The following GNA12 variants were observed in gnomAD, a reference collection of about 807,000 sequenced individuals.
GNA12 encodes G protein subunit alpha 12, also known as guanine nucleotide-binding protein subunit alpha-12.
Under a neutral mutation model 26.0 loss-of-function variants are expected in GNA12, and 9 were observed. That is an observed-to-expected ratio of 0.35 (90% CI 0.21 to 0.60). The LOEUF (loss-of-function observed/expected upper bound fraction) is 0.60. Among genes scored for constraint, GNA12 ranks in the 20% least tolerant of loss-of-function variants. GNA12 has a pLI of 0.78. For synonymous variants in GNA12, 264 were observed against 219.6 expected, an observed-to-expected ratio of 1.20 and a Z score of -1.79; for missense variants, 405 against 525.8, an observed-to-expected ratio of 0.77 and a Z score of 2.25.
intron 1 of GNA12, among the ~76,000 whole-genome samples, chr7:2,801,002 G>A (rs536240615): frequency 1.1e-4 from 16 of 152,120 alleles, no homozygotes; most frequent in African/African-American, 3.6e-4. Context: ...ATCTCGGCAC[G>A]GAGAAGGTAG....
chr7:2,799,681 T>A lies in GNA12; in HGVS notation c.310-4538A>T, dbSNP rs540222160. Among the ~76,000 whole-genome samples, 528 of 151,404 alleles carry A rather than the reference T, an allele frequency of 3.5e-3. 1 individual carries two copies. The highest frequency in any genetic ancestry group is 0.011 in the African/African-American group (444 of 41,236). On this transcript the variant is annotated intron_variant, in intron 1 of 3. Coordinates refer to ENST00000275364, the MANE Select transcript of GNA12 (RefSeq NM_007353.3). ...GAATGAAATGAAGAGAAAAAAAAAA[T>A]TTTTTAAAGAAAATGGGCAAGACAT...
chr7:2,735,041 C>T (rs554269269), intron 2 of GNA12, among the ~76,000 whole-genome samples: 142 of 152,316 alleles, frequency 9.3e-4, no homozygotes, highest in African/African-American at 3.3e-3. Flanking sequence ...CAAGTCCCCC[C>T]GGTCCTCTGC....
intron 1 of GNA12, among the ~76,000 whole-genome samples, chr7:2,836,352 G>A (rs978275855): frequency 2.0e-5 from 3 of 152,162 alleles, no homozygotes; most frequent in African/African-American, 7.2e-5. Context: ...AGAAAGTTCT[G>A]AATGTAACAC....
At chr7:2,827,923 AT>A (rs3837080) in intron 1 of GNA12, among the ~76,000 whole-genome samples, 1 of 151,902 alleles carries the variant, frequency 6.6e-6, no homozygotes, top group Non-Finnish European at 1.5e-5. Flanking sequence ...TTTATTTAAA[AT>A]TTTTTTTAAT....
intron 1 of GNA12, among the ~76,000 whole-genome samples, chr7:2,817,085 T>A (rs1481819556): frequency 6.6e-6 from 1 of 152,220 alleles, no homozygotes; most frequent in Non-Finnish European, 1.5e-5. Flanking sequence ...TCCAATGGCT[T>A]CCCATCATAC....
chr7:2,755,340 T>G (rs1209067858), intron 2 of GNA12, among the ~76,000 whole-genome samples: 1 of 152,364 alleles, frequency 6.6e-6, no homozygotes, highest in Non-Finnish European at 1.5e-5. Context: ...TGTGTATCAA[T>G]CAGGGGAGAA....
At chr7:2,743,038 C>T (rs951759369) in intron 2 of GNA12, among the ~76,000 whole-genome samples, 4 of 152,116 alleles carry the variant, frequency 2.6e-5, no homozygotes, top group African/African-American at 9.7e-5. Context: ...TCTTTTTGGC[C>T]AGGAGAACAA....
intron 1 of GNA12, among the ~76,000 whole-genome samples, chr7:2,808,661 C>G (rs1793008461): frequency 6.6e-6 from 1 of 152,216 alleles, no homozygotes; most frequent in East Asian, 1.9e-4. Flanking sequence ...TACAATTTCC[C>G]TACTTCCTGC....
intron 2 of GNA12, among the ~76,000 whole-genome samples, chr7:2,765,888 C>A (rs1045387205): frequency 1.3e-5 from 2 of 149,954 alleles, no homozygotes; most frequent in African/African-American, 4.9e-5. Context: ...CCCCTCCCCT[C>A]CCCCCAAGTT....
At chr7:2,760,751 C>T (rs1161588517) in intron 2 of GNA12, among the ~76,000 whole-genome samples, 2 of 152,246 alleles carry the variant, frequency 1.3e-5, no homozygotes, top group African/African-American at 2.4e-5. Context: ...CATTTCTAAT[C>T]TTTCCTCTAG....
At chr7:2,838,280 T>TAAAA (rs36115085) in intron 1 of GNA12, among the ~76,000 whole-genome samples, 1 of 143,722 alleles carries the variant, frequency 7.0e-6, no homozygotes, top group Non-Finnish European at 1.5e-5. Context: ...GCATTATACT[T>TAAAA]AAAAAAAAAA....
intron 1 of GNA12, among the ~76,000 whole-genome samples, chr7:2,836,905 C>A (rs916652016): frequency 6.6e-6 from 1 of 152,152 alleles, no homozygotes; most frequent in East Asian, 1.9e-4. Flanking sequence ...GCCCGGGCAA[C>A]AAGAGCGAAA....
intron 1 of GNA12, among the ~76,000 whole-genome samples, chr7:2,807,206 T>C (rs956792780): frequency 6.6e-6 from 1 of 152,144 alleles, no homozygotes; most frequent in Non-Finnish European, 1.5e-5. Context: ...AACTGAAAAT[T>C]AGAAAAAATG....
chr7:2,811,502 C>T lies in GNA12; in HGVS notation c.310-16359G>A, dbSNP rs1206825916. On this transcript the variant is annotated intron_variant, in intron 1 of 3. Transcript: ENST00000275364. ...TCTTCTTACTCAGATAACTTTATGT[C>T]ATGACCAATGAAGTAACTTTTATCA... is the stretch of plus-strand genomic sequence containing the variant. 2.0e-5 allele frequency among the ~76,000 whole-genome samples: 3 copies of T among 152,346 alleles called. No homozygotes were observed. In the East Asian group the frequency reaches 5.8e-4, roughly 29 times the overall value.
At chr7:2,807,070 C>G (rs746745214) in intron 1 of GNA12, among the ~76,000 whole-genome samples, 5 of 152,048 alleles carry the variant, frequency 3.3e-5, no homozygotes, top group Non-Finnish European at 5.9e-5. Flanking sequence ...TTTAGTTGAT[C>G]TATTTGCTTC....
chr7:2,809,278 C>T (rs776023547), intron 1 of GNA12, among the ~76,000 whole-genome samples: 12 of 152,272 alleles, frequency 7.9e-5, no homozygotes, highest in Middle Eastern at 3.4e-3. Flanking sequence ...AACTAAGGGA[C>T]CCCAGGTCCT....
At chr7:2,763,672 C>A (rs1791680935) in intron 2 of GNA12, among the ~76,000 whole-genome samples, 2 of 152,234 alleles carry the variant, frequency 1.3e-5, no homozygotes, top group Non-Finnish European at 2.9e-5. Context: ...TAAGGAAGAT[C>A]CCTGGTAAGA....
intron 2 of GNA12, among the ~76,000 whole-genome samples, chr7:2,735,751 G>C (rs1053173384): frequency 2.0e-5 from 3 of 152,198 alleles, no homozygotes; most frequent in African/African-American, 7.2e-5. Flanking sequence ...TCTTGCATGA[G>C]TGGCGGAGGA....
chr7:2,808,749 T>C (rs907955407), intron 1 of GNA12, among the ~76,000 whole-genome samples: 1 of 152,198 alleles, frequency 6.6e-6, no homozygotes, highest in African/African-American at 2.4e-5. Flanking sequence ...ATTGGCTGCT[T>C]TGTGTCCACA....
Sources: allele counts gnomAD v4.1 joint callset (sites outside exome capture counted in the v4.1 genomes callset), GRCh38; gene constraint gnomAD v4.1.1; transcripts MANE v1.5; gene names NCBI Gene and HGNC (gene_info 2026-07-23, HGNC 2026-07-21).